SMYD3: variants seen among roughly 807,000 people sequenced by gnomAD.
The protein encoded by SMYD3 is histone-lysine N-methyltransferase SMYD3.
In SMYD3, 36 loss-of-function variants were observed where a neutral mutation model predicts 57.7. The ratio of observed to expected loss-of-function variants is 0.62; its 90% confidence interval spans 0.48 to 0.82. The LOEUF (loss-of-function observed/expected upper bound fraction) is 0.82. Among genes scored for constraint, SMYD3 ranks in the 40% least tolerant of loss-of-function variants. SMYD3 has a pLI of 0.00. For synonymous variants in SMYD3, 211 were observed against 195.0 expected, an observed-to-expected ratio of 1.08 and a Z score of -0.68; for missense variants, 515 against 538.8, an observed-to-expected ratio of 0.96 and a Z score of 0.44.
chr1:245,763,920 C>T (rs1373654838), intron 11 of SMYD3, 121 bp downstream of exon 11: 2 of 668,278 alleles, frequency 3.0e-6, no homozygotes, highest in African/African-American at 3.6e-5. Context: ...CCAGCACACA[C>T]TGGGCATGCG....
chr1:245,762,591 G>A (rs56208647), intron 11 of SMYD3, among the ~76,000 whole-genome samples: 23,870 of 152,136 alleles, frequency 0.16, 2,209 homozygotes, highest in East Asian at 0.35. Context: ...AAACATGCCA[G>A]ACATGATAAA....
rs150430202 is a variant in SMYD3 at position 245,786,015 on chromosome 1, A to G, written c.1077-21866T>C. Among the ~76,000 whole-genome samples, 400 of 151,714 alleles carry G rather than the reference A, an allele frequency of 2.6e-3. 3 individuals carry two copies. Among genetic ancestry groups the G allele is most frequent in the African/African-American group, 9.2e-3 (381 of 41,324 alleles). Reference sequence around the variant, plus strand: ...CCATGGTGCCCAGCCAGAATTTTCTAAGAGCCTTTTAGGATGCAGCTATAC... The same window carrying G: ...CCATGGTGCCCAGCCAGAATTTTCTGAGAGCCTTTTAGGATGCAGCTATAC... On this transcript the variant is annotated intron_variant, in intron 10 of 11. Transcript: ENST00000490107.
At chr1:246,416,448 A>C (rs1409616098) in intron 1 of SMYD3, among the ~76,000 whole-genome samples, 3 of 152,122 alleles carry the variant, frequency 2.0e-5, no homozygotes, top group East Asian at 3.8e-4. Context: ...TTTTATGCAG[A>C]TCACATGAAA....
chr1:246,266,913 C>T (rs879735005), intron 5 of SMYD3, among the ~76,000 whole-genome samples: 5 of 152,056 alleles, frequency 3.3e-5, no homozygotes, highest in Non-Finnish European at 5.9e-5. Context: ...AAGTAAACTG[C>T]GAAAATAATA....
intron 5 of SMYD3, among the ~76,000 whole-genome samples, chr1:246,005,130 T>G (rs551208028): frequency 1.3e-5 from 2 of 152,318 alleles, no homozygotes; most frequent in East Asian, 3.9e-4. Flanking sequence ...ATTATATGCA[T>G]GAGCCACTGG....
At chr1:245,764,331 C>A (rs1420623819) in intron 10 of SMYD3, among the ~76,000 whole-genome samples, 182 bp from the exon 11 acceptor site, 2 of 151,976 alleles carry the variant, frequency 1.3e-5, no homozygotes, top group South Asian at 2.1e-4. Context: ...GGACTGGTCT[C>A]CAGCTCCTCA....
chr1:245,775,402 G>A (rs1357424139), intron 10 of SMYD3, among the ~76,000 whole-genome samples: 8 of 152,058 alleles, frequency 5.3e-5, no homozygotes, highest in Non-Finnish European at 1.0e-4. Context: ...CTGTTGATCT[G>A]TGACCTTACC....
intron 10 of SMYD3, among the ~76,000 whole-genome samples, chr1:245,850,319 C>A (rs2050899578): frequency 6.6e-6 from 1 of 152,162 alleles, no homozygotes; most frequent in African/African-American, 2.4e-5. Flanking sequence ...GTGTTTTAGG[C>A]AGATTATTTC....
chr1:246,221,330 C>A lies in SMYD3; in HGVS notation c.531+105871G>T, dbSNP rs547739097. Among the ~76,000 whole-genome samples, 15 of 152,300 alleles carry A rather than the reference C, an allele frequency of 9.8e-5. No homozygotes were observed. In the South Asian group the frequency reaches 1.9e-3, roughly 19 times the overall value. On this transcript the variant is annotated intron_variant, in intron 5 of 11. Coordinates refer to ENST00000490107, the MANE Select transcript of SMYD3 (RefSeq NM_001167740.2). ...AGCTCCTCTTCATCCTGCTCACCCT[C>A]CACATTGCATACCTCATTCTTCCTG... is the stretch of plus-strand genomic sequence containing the variant.
intron 5 of SMYD3, among the ~76,000 whole-genome samples, chr1:246,054,963 C>A (rs2060124576): frequency 6.6e-6 from 1 of 150,498 alleles, no homozygotes; most frequent in Non-Finnish European, 1.5e-5. Context: ...ATCACGAGGT[C>A]AGGAGATCGT....
intron 5 of SMYD3, among the ~76,000 whole-genome samples, chr1:245,985,751 T>C (rs2058691725): frequency 6.6e-6 from 1 of 152,228 alleles, no homozygotes; most frequent in Admixed American, 6.5e-5. Flanking sequence ...GCATGCTCTC[T>C]TACAATGGAA....
chr1:246,132,140 A>C (rs932896730), intron 5 of SMYD3, among the ~76,000 whole-genome samples: 1 of 152,170 alleles, frequency 6.6e-6, no homozygotes, highest in Non-Finnish European at 1.5e-5. Context: ...ATGCTTACCA[A>C]ATTTAGAGAT....
chr1:245,815,291 G>A (rs565214631), intron 10 of SMYD3, among the ~76,000 whole-genome samples: 11 of 152,364 alleles, frequency 7.2e-5, no homozygotes, highest in African/African-American at 1.2e-4. Context: ...CAGAAGAGCT[G>A]TTGGTTAACT....
intron 8 of SMYD3, among the ~76,000 whole-genome samples, chr1:245,867,770 T>A (rs2051960613): frequency 6.6e-6 from 1 of 152,000 alleles, no homozygotes; most frequent in Non-Finnish European, 1.5e-5. Flanking sequence ...TTAAACAGGA[T>A]GATCGGGGAA....
chr1:245,863,897 C>T lies in SMYD3; in HGVS notation c.814-11G>A. On this transcript the variant is annotated splice_polypyrimidine_tract_variant and intron_variant, in intron 8 of 11. Coordinates refer to ENST00000490107, the MANE Select transcript of SMYD3 (RefSeq NM_001167740.2). ...TAGCATATCAGCATCCTGCTCAGGC[C>T]AGAAAAGGAAGACAAATAATCTAAT... The T allele has an allele frequency of 6.2e-7, 1 of 1,613,298 alleles. No homozygotes were observed. Among genetic ancestry groups the T allele is most frequent in the Non-Finnish European group, 8.5e-7 (1 of 1,179,320 alleles).
intron 5 of SMYD3, among the ~76,000 whole-genome samples, chr1:246,106,982 T>G (rs949439096): frequency 6.6e-6 from 1 of 151,990 alleles, no homozygotes; most frequent in Admixed American, 6.6e-5. Context: ...AATACAAGAG[T>G]TGGGCATATA....
intron 5 of SMYD3, among the ~76,000 whole-genome samples, chr1:246,254,266 T>C (rs2063842972): frequency 6.6e-6 from 1 of 152,240 alleles, no homozygotes; most frequent in African/African-American, 2.4e-5. Context: ...TCTTATAGTT[T>C]CAGATCTTAA....
intron 1 of SMYD3, among the ~76,000 whole-genome samples, chr1:246,458,485 T>A (rs1419323270): frequency 7.3e-6 from 1 of 137,758 alleles, no homozygotes; most frequent in African/African-American, 2.6e-5. Flanking sequence ...CTCGCTCTGT[T>A]GCCCAGGCTG....
chr1:246,498,677 G>C (rs1572059976), intron 1 of SMYD3, among the ~76,000 whole-genome samples: 2 of 146,470 alleles, frequency 1.4e-5, no homozygotes, highest in East Asian at 4.0e-4. Context: ...CTGGCAGTGA[G>C]CCGAGATCGC....
Sources: allele counts gnomAD v4.1 joint callset (sites outside exome capture counted in the v4.1 genomes callset), GRCh38; gene constraint gnomAD v4.1.1; transcripts MANE v1.5; gene names NCBI Gene and HGNC (gene_info 2026-07-23, HGNC 2026-07-21).